Variants in RBFOX1 observed in about 807,000 individuals in gnomAD.
RBFOX1 encodes RNA binding fox-1 homolog 1.
RBFOX1 carries 8 observed loss-of-function variants against 57.7 expected under a neutral mutation model. That is an observed-to-expected ratio of 0.14 (90% CI 0.08 to 0.25). The LOEUF is 0.25. Among genes scored for constraint, RBFOX1 ranks in the 10% least tolerant of loss-of-function variants. The pLI, the probability that RBFOX1 is intolerant of heterozygous loss-of-function variation, is 1.00. For missense variants in RBFOX1, 611 were observed against 548.5 expected (o/e 1.11, Z -1.14); for synonymous variants, 326 against 222.4 (o/e 1.47, Z -4.15).
exon 3 of RBFOX1, chr16:5,599,128 C>A: frequency 1.5e-6 from 1 of 672,144 alleles, no homozygotes; most frequent in Non-Finnish European, 2.5e-6. Flanking sequence ...AGAGCACTTG[C>A]ACAATTTCTA....
At chr16:5,716,327 T>G (rs1358424445) in intron 3 of RBFOX1, among the ~76,000 whole-genome samples, 1 of 152,214 alleles carries the variant, frequency 6.6e-6, no homozygotes, top group African/African-American at 2.4e-5. Context: ...TATGGGAGAT[T>G]GTTGTACAGA....
chr16:6,083,874 G>A (rs2152514368), intron 1 of RBFOX1, among the ~76,000 whole-genome samples: 1 of 152,286 alleles, frequency 6.6e-6, no homozygotes, highest in African/African-American at 2.4e-5. Context: ...TCTTTAAGCA[G>A]AAGAATTGGC....
intron 2 of RBFOX1, among the ~76,000 whole-genome samples, chr16:6,354,106 G>C (rs771277778): frequency 6.6e-6 from 1 of 152,062 alleles, no homozygotes; most frequent in Non-Finnish European, 1.5e-5. Context: ...TGTAGTCCCA[G>C]CTACTGGGGA....
chr16:7,633,166 G>A (rs561795963), intron 11 of RBFOX1, among the ~76,000 whole-genome samples: 1 of 152,294 alleles, frequency 6.6e-6, no homozygotes, highest in Non-Finnish European at 1.5e-5. Context: ...CAGAGACCAA[G>A]GTGGCCTGCA....
At chr16:5,760,498 A>G (rs905856640) in intron 3 of RBFOX1, among the ~76,000 whole-genome samples, 2 of 152,198 alleles carry the variant, frequency 1.3e-5, no homozygotes, top group Admixed American at 1.3e-4. Context: ...ATGTTGTGAA[A>G]AGAACCCCAT....
At chr16:6,722,196 C>G (rs962652712) in intron 3 of RBFOX1, among the ~76,000 whole-genome samples, 1 of 152,192 alleles carries the variant, frequency 6.6e-6, no homozygotes, top group African/African-American at 2.4e-5. Context: ...TGTGATATTT[C>G]TAGTTTTAAG....
At chr16:7,403,434 C>T (rs762070616) in intron 4 of RBFOX1, among the ~76,000 whole-genome samples, 1 of 152,154 alleles carries the variant, frequency 6.6e-6, no homozygotes, top group Non-Finnish European at 1.5e-5. Context: ...TCTGTCTATT[C>T]CTACGAATTT....
At chr16:6,850,022 T>G (rs1234531460) in intron 3 of RBFOX1, among the ~76,000 whole-genome samples, 1 of 152,202 alleles carries the variant, frequency 6.6e-6, no homozygotes, top group Non-Finnish European at 1.5e-5. Context: ...GACATCTTTT[T>G]TCTCAAAGAA....
chr16:7,236,112 G>C (rs919978390), intron 4 of RBFOX1, among the ~76,000 whole-genome samples: 4 of 152,148 alleles, frequency 2.6e-5, no homozygotes, highest in African/African-American at 9.7e-5. Context: ...TCAGAAATTA[G>C]AGTGTTTTCT....
intron 3 of RBFOX1, among the ~76,000 whole-genome samples, chr16:6,744,497 T>A (rs1016548796): frequency 6.6e-6 from 1 of 152,030 alleles, no homozygotes; most frequent in Non-Finnish European, 1.5e-5. Flanking sequence ...AAGTTATTTC[T>A]CCAATCGCAG....
intron 5 of RBFOX1, among the ~76,000 whole-genome samples, chr16:7,572,732 G>A (rs35633420): frequency 0.39 from 58,589 of 151,722 alleles, 11,720 homozygotes; most frequent in South Asian, 0.53. Flanking sequence ...ACAGCTACTC[G>A]GGAGGCTGAG....
intron 4 of RBFOX1, among the ~76,000 whole-genome samples, chr16:7,075,871 C>T (rs1197546647): frequency 3.9e-5 from 6 of 152,012 alleles, no homozygotes; most frequent in Non-Finnish European, 8.8e-5. Flanking sequence ...TGAGCCACCG[C>T]GCCCGGCCTG....
rs1390205902 is a variant in RBFOX1 at position 5,692,165 on chromosome 16, C to CTTTGTGTGTG, written c.318+93205_318+93206insTTGTGTGTGT. Among the ~76,000 whole-genome samples, 19 of 22,900 alleles carry CTTTGTGTGTG rather than the reference C, an allele frequency of 8.3e-4. 1 individual carries two copies. Among genetic ancestry groups the CTTTGTGTGTG allele is most frequent in the Admixed American group, 2.2e-3 (3 of 1,340 alleles). 15.0% of individuals were successfully genotyped at this position (22,900 alleles called of 152,430 possible). ...CAAACCCATGCATAATAGGGACTGA[C>CTTTGTGTGTG]TGTGTGTGTGTGTGTGTGTGTGTGT... On this transcript the variant is annotated intron_variant, in intron 3 of 19. Transcript: ENST00000641259.
At chr16:5,330,572 T>A (rs1249201612) in intron 1 of RBFOX1, among the ~76,000 whole-genome samples, 1 of 152,050 alleles carries the variant, frequency 6.6e-6, no homozygotes, top group Non-Finnish European at 1.5e-5. Context: ...GCCCGGCTAA[T>A]TTTTGTATTT....
intron 1 of RBFOX1, among the ~76,000 whole-genome samples, chr16:5,309,786 C>T (rs191116397): frequency 2.2e-4 from 33 of 152,190 alleles, no homozygotes; most frequent in African/African-American, 4.8e-4. Flanking sequence ...TAAACTATAC[C>T]GTAAGTGTAT....
intron 2 of RBFOX1, among the ~76,000 whole-genome samples, chr16:6,617,004 ACTATCT>A (rs1273339566): frequency 1.3e-5 from 2 of 152,152 alleles, no homozygotes; most frequent in African/African-American, 4.8e-5. Context: ...GAAGATACAT[ACTATCT>A]GCTTCTTTGT....
intron 4 of RBFOX1, among the ~76,000 whole-genome samples, chr16:7,320,918 C>G (rs915348040): frequency 1.3e-5 from 2 of 152,158 alleles, no homozygotes; most frequent in Non-Finnish European, 2.9e-5. Flanking sequence ...GGAAAAACAG[C>G]CAGGGATTTT....
chr16:5,996,055 A>C (rs2152324776), intron 4 of RBFOX1, among the ~76,000 whole-genome samples: 1 of 152,238 alleles, frequency 6.6e-6, no homozygotes, highest in South Asian at 2.1e-4. Flanking sequence ...TAAGAGTACT[A>C]ATTCCAAGCA....
At chr16:5,446,646 A>T (rs529030720) in intron 1 of RBFOX1, among the ~76,000 whole-genome samples, 1 of 152,106 alleles carries the variant, frequency 6.6e-6, no homozygotes, top group African/African-American at 2.4e-5. Flanking sequence ...TGGCAGGTAG[A>T]TGGGGGTGTG....
Sources: allele counts gnomAD v4.1 joint callset (sites outside exome capture counted in the v4.1 genomes callset), GRCh38; gene constraint gnomAD v4.1.1; transcripts MANE v1.5; gene names NCBI Gene and HGNC (gene_info 2026-07-23, HGNC 2026-07-21).